The following ZNF609 variants were observed in gnomAD, a reference collection of about 807,000 sequenced individuals.
The protein encoded by ZNF609 is zinc finger protein 609.
A neutral mutation model predicts 109.5 loss-of-function variants in ZNF609; 11 were observed. The ratio of observed to expected loss-of-function variants is 0.10; its 90% CI spans 0.06 to 0.17. The LOEUF is 0.17. Ranked by LOEUF, ZNF609 falls within the 10% of genes least tolerant of loss-of-function variation. The pLI, the probability that ZNF609 is intolerant of heterozygous loss-of-function variation, is 1.00. For synonymous variants in ZNF609, 646 were observed against 662.0 expected (o/e 0.98, Z 0.37); for missense variants, 1,559 against 1,772.4 (o/e 0.88, Z 2.16).
At chr15:64,636,386 ACT>A (rs1896176177) in intron 3 of ZNF609, among the ~76,000 whole-genome samples, 2 of 152,014 alleles carry the variant, frequency 1.3e-5, no homozygotes, top group Admixed American at 6.6e-5. Flanking sequence ...CCGAAGTTGT[ACT>A]CTGTTTTCTC....
intron 1 of ZNF609, among the ~76,000 whole-genome samples, chr15:64,470,976 A>C (rs1252294104): frequency 1.3e-5 from 2 of 152,184 alleles, no homozygotes; most frequent in Non-Finnish European, 2.9e-5. Flanking sequence ...CTGGTCTTTT[A>C]GTCTTCTGTT....
intron 3 of ZNF609, among the ~76,000 whole-genome samples, chr15:64,642,841 A>T (rs1206707301): frequency 2.6e-5 from 4 of 152,096 alleles, no homozygotes; most frequent in Non-Finnish European, 4.4e-5. Flanking sequence ...TAAATCTAAA[A>T]TTTTTTTAAA....
Position 64,674,393 on chromosome 15 carries a change from G to A in ZNF609, c.1539G>A (p.Lys513=). 1 of 1,614,148 alleles carries A rather than the reference G, an allele frequency of 6.2e-7. No individual in the cohort carries two copies. Among genetic ancestry groups the A allele is most frequent in the Non-Finnish European group, 8.5e-7 (1 of 1,180,030 alleles). ...AGTACAAGCACATCAATGGACTTAA[G>A]TACCACCAAGCTCATGCCCATACAG... The part of the protein sequence containing the change: ...NKKYKHINGL[K]YHQAHAHTDD... Residue 513 remains lysine (K), a synonymous_variant, in exon 5 of 10, where the codon AAG becomes AAA. Coordinates refer to ENST00000326648, the MANE Select transcript of ZNF609 (RefSeq NM_015042.2).
intron 3 of ZNF609, among the ~76,000 whole-genome samples, chr15:64,626,645 T>C (rs554566779): frequency 6.6e-6 from 1 of 152,278 alleles, no homozygotes; most frequent in East Asian, 1.9e-4. Context: ...ATAGGAGTCA[T>C]GGCCTCAATT....
At chr15:64,604,672 T>A (rs964559656) in intron 2 of ZNF609, among the ~76,000 whole-genome samples, 1 of 152,184 alleles carries the variant, frequency 6.6e-6, no homozygotes, top group Non-Finnish European at 1.5e-5. Context: ...TCAAGCTAGT[T>A]TAAGCAAACA....
chr15:64,520,596 T>A (rs1297970926), intron 2 of ZNF609, among the ~76,000 whole-genome samples: 3 of 152,216 alleles, frequency 2.0e-5, no homozygotes, highest in Non-Finnish European at 2.9e-5. Context: ...TTTGTTTTTT[T>A]ATTCTCGTTT....
In ZNF609 at chr15:64,564,878, C is replaced by T. The variant is rs1477615236; in HGVS notation, c.748-57949C>T. ...TTTTTTCTTTTTAGAAACGGAGTCT[C>T]GCTCTGTTGCCCAGGCTGGAGTGCA... On this transcript the variant is annotated intron_variant, in intron 2 of 9. Transcript: ENST00000326648. Among the ~76,000 whole-genome samples, 10 of 150,540 alleles carry T rather than the reference C, an allele frequency of 6.6e-5. No individual in the cohort carries two copies. In the East Asian group the frequency reaches 7.8e-4, roughly 12 times the overall value.
At chr15:64,466,930 T>C (rs1893023586) in intron 1 of ZNF609, among the ~76,000 whole-genome samples, 1 of 152,066 alleles carries the variant, frequency 6.6e-6, no homozygotes, top group African/African-American at 2.4e-5. Flanking sequence ...CTCACCCCTT[T>C]CTTTCTTCCC....
At chr15:64,496,273 T>A (rs1384249168) in intron 1 of ZNF609, among the ~76,000 whole-genome samples, 3 of 152,166 alleles carry the variant, frequency 2.0e-5, no homozygotes, top group Non-Finnish European at 2.9e-5. Context: ...TCCTCCAGAG[T>A]CTCTCTTCCG....
At chr15:64,487,888 C>G (rs1893354544) in intron 1 of ZNF609, among the ~76,000 whole-genome samples, 1 of 152,166 alleles carries the variant, frequency 6.6e-6, no homozygotes, top group Non-Finnish European at 1.5e-5. Flanking sequence ...CCCACCTTGG[C>G]CTCCCAAAGT....
intron 2 of ZNF609, among the ~76,000 whole-genome samples, chr15:64,616,318 G>A (rs1378275282): frequency 6.6e-6 from 1 of 151,790 alleles, no homozygotes; most frequent in African/African-American, 2.4e-5. Context: ...TACCTGTAAA[G>A]TTATGTTGCA....
At position 64,499,598 on chromosome 15, in the gene ZNF609, C is replaced by T. The variant is rs537035427; in HGVS notation, c.179C>T (p.Pro60Leu). 328 of 1,614,114 alleles carry T rather than the reference C, an allele frequency of 2.0e-4. 5 individuals are homozygous for T. In the South Asian group the frequency reaches 3.5e-3, roughly 17 times the overall value. ...TCAGGCTCAAAGGAGGTGGGGATAC[C>T]GGCTCCCAATGCTGTGGCCACACTA... Reference protein sequence around the residue: ...EMSGSKEVGIPAPNAVATLPD... With the variant: ...EMSGSKEVGILAPNAVATLPD... The change falls in exon 2 of 10, where the codon CCG (proline) becomes CTG (leucine). Residue 60 changes from proline to leucine, a missense_variant. Pro to Leu is a moderately conservative substitution (Grantham distance 98, BLOSUM62 -3). Around this residue, in one of 4 missense-constraint regions of ZNF609, gnomAD observed 291 missense variants for 317.8 expected, o/e 0.92. Coordinates refer to ENST00000326648, the MANE Select transcript of ZNF609 (RefSeq NM_015042.2).
intron 2 of ZNF609, among the ~76,000 whole-genome samples, chr15:64,603,566 G>A (rs1055780921): frequency 6.6e-6 from 1 of 151,856 alleles, no homozygotes; most frequent in Middle Eastern, 3.4e-3. Context: ...ACTGCACCTG[G>A]CCCACAGTGC....
intron 2 of ZNF609, among the ~76,000 whole-genome samples, chr15:64,602,889 A>ATTTTTTTTTTTTTTTTTTTTTTTTT (rs10600562): frequency 9.3e-5 from 7 of 75,174 alleles, no homozygotes; most frequent in Non-Finnish European, 1.4e-4. Context: ...CTCTGGGCTA[A>ATTTTTTTTTTTTTTTTTTTTTTTTT]TTTTTTTTTT....
chr15:64,600,247 G>A (rs939321726), intron 2 of ZNF609, among the ~76,000 whole-genome samples: 3 of 151,780 alleles, frequency 2.0e-5, no homozygotes, highest in Admixed American at 6.6e-5. Context: ...TCAGGAGATC[G>A]AGACCATCCT....
At chr15:64,543,996 C>T (rs1347209525) in intron 2 of ZNF609, among the ~76,000 whole-genome samples, 1 of 152,064 alleles carries the variant, frequency 6.6e-6, no homozygotes, top group Non-Finnish European at 1.5e-5. Flanking sequence ...TGCTCCTTGA[C>T]TGACTCTCAT....
rs1215784646 is a variant in ZNF609, at chr15:64,645,056, T to TCTTC, written c.973+22024_973+22027dup. ...TTCTTCCTTCCTTTCTTTCTTCCTT[T>TCTTC]CTTCCTTCCTTCCTTCCTTCCTTTC... On this transcript the variant is annotated intron_variant, in intron 3 of 9. Transcript: ENST00000326648. Among the ~76,000 whole-genome samples the TCTTC allele has an allele frequency of 3.1e-3, 446 of 141,888 alleles. 5 individuals carry two copies. The highest frequency in any genetic ancestry group is 0.011 in the African/African-American group (412 of 36,010). The allele number at this position is 141,888 out of a possible 152,430, so 93.1% of individuals were successfully genotyped here.
At position 64,675,192 on chromosome 15, in the gene ZNF609, C is replaced by T; in HGVS notation, c.2338C>T (p.Pro780Ser). Residue 780 changes from proline (P) to serine (S), a missense_variant, in exon 5 of 10, where the codon CCC becomes TCC. Physicochemically the swap from Pro to Ser is moderately conservative, Grantham distance 74. Around this residue, in one of 4 missense-constraint regions of ZNF609, gnomAD observed 1,204 missense variants for 1,314.1 expected, o/e 0.92. Transcript: ENST00000326648. ...MEGLLNGSSDPHQSRLASIKA... is the reference protein window; with the variant it reads ...MEGLLNGSSDSHQSRLASIKA... ...GGGGCTCCTAAATGGCTCATCAGAC[C>T]CCCACCAAAGCCGACTGGCTAGCAT... 1 of 1,614,056 alleles carries T rather than the reference C, an allele frequency of 6.2e-7. No individual in the cohort carries two copies. The highest frequency in any genetic ancestry group is 2.2e-5 in the East Asian group (1 of 44,890).
At chr15:64,556,756 G>C (rs544777799) in intron 2 of ZNF609, among the ~76,000 whole-genome samples, 2 of 152,132 alleles carry the variant, frequency 1.3e-5, no homozygotes, top group South Asian at 4.2e-4. Context: ...CCGATTTTTA[G>C]CCTCTGTAAT....
Sources: allele counts gnomAD v4.1 joint callset (sites outside exome capture counted in the v4.1 genomes callset), GRCh38; gene constraint gnomAD v4.1.1; regional missense constraint gnomAD v4.1.1; transcripts MANE v1.5; gene names NCBI Gene and HGNC (gene_info 2026-07-23, HGNC 2026-07-21).